PCDHGB1: variants seen among roughly 807,000 people sequenced by gnomAD.
The protein encoded by PCDHGB1 is protocadherin gamma subfamily B, 1.
Under a neutral mutation model 56.6 loss-of-function variants are expected in PCDHGB1, and 34 were observed. The observed-to-expected ratio is 0.60, with a 90% CI of 0.46 to 0.80. The LOEUF is 0.80. Among genes scored for constraint, PCDHGB1 ranks in the 30% least tolerant of loss-of-function variants. PCDHGB1 has a pLI of 0.00. For missense variants in PCDHGB1, 1,278 were observed against 1,204.6 expected (o/e 1.06, Z -0.90); for synonymous variants, 561 against 505.9 (o/e 1.11, Z -1.46).
intron 1 of PCDHGB1, chr5:141,423,923 G>C: frequency 8.0e-7 from 1 of 1,254,744 alleles, no homozygotes; most frequent in Non-Finnish European, 1.0e-6. Flanking sequence ...CAACTATGCT[G>C]GTTTGGTTTG....
intron 1 of PCDHGB1, chr5:141,372,188 G>C: frequency 6.2e-7 from 1 of 1,613,564 alleles, no homozygotes; most frequent in Non-Finnish European, 8.5e-7. Context: ...ACGCAGACTC[G>C]GGATACAACG....
chr5:141,489,084 C>A lies in PCDHGB1; in HGVS notation c.2410-5723C>A. On this transcript the variant is annotated intron_variant, in intron 1 of 3. Coordinates refer to ENST00000523390, the MANE Select transcript of PCDHGB1 (RefSeq NM_018922.3). The surrounding 1 kb of genome is among the most constrained non-coding windows in gnomAD (Gnocchi z 4.5). Reference sequence around the variant, plus strand: ...CTCCCCCCTGCCCACCCCCGCCACTCGGTGACTAAGAACTGCTGCAAGCAG... The same window carrying A: ...CTCCCCCCTGCCCACCCCCGCCACTAGGTGACTAAGAACTGCTGCAAGCAG... The A allele has an allele frequency of 9.1e-6, 3 of 329,124 alleles. No homozygotes were observed. The highest frequency in any genetic ancestry group is 1.1e-5 in the Non-Finnish European group (2 of 186,464). The allele number at this position is 329,124 out of a possible 1,614,324, so 20.4% of individuals were successfully genotyped here. A position where few individuals can be genotyped will look rare whatever the true frequency, so the allele number is the denominator to read the frequency against.
intron 1 of PCDHGB1, chr5:141,399,115 G>C: frequency 6.2e-7 from 1 of 1,613,814 alleles, no homozygotes; most frequent in Non-Finnish European, 8.5e-7. Context: ...ATGTACAGTT[G>C]AAATTAATAT....
rs777873138 is a variant in PCDHGB1, at chr5:141,365,973, T to C, written c.2409+13304T>C. The stretch of plus-strand genomic sequence containing the variant: ...CCTCCACTTAGCAGCAACGTGTCGC[T>C]GAGCCTGTTTGTGCTGGACCAGAAC... On this transcript the variant is annotated intron_variant, in intron 1 of 3. Coordinates refer to ENST00000523390, the MANE Select transcript of PCDHGB1 (RefSeq NM_018922.3). The C allele has an allele frequency of 4.3e-5, 70 of 1,614,126 alleles. No individual in the cohort carries two copies. In the Admixed American group the frequency reaches 1.1e-3, roughly 27 times the overall value.
intron 1 of PCDHGB1, chr5:141,417,503 T>G (rs1171198405): frequency 8.7e-6 from 2 of 229,844 alleles, no homozygotes; most frequent in East Asian, 1.9e-4. Context: ...GGAAAAAGAT[T>G]AAAATATTTT....
intron 1 of PCDHGB1, chr5:141,414,301 C>A (rs199806270): frequency 1.1e-5 from 18 of 1,613,280 alleles, no homozygotes; most frequent in Non-Finnish European, 1.7e-6. Flanking sequence ...TTTAAATGTG[C>A]ATGATTTAGA....
intron 1 of PCDHGB1, among the ~76,000 whole-genome samples, chr5:141,471,791 A>C (rs904614629): frequency 1.3e-5 from 2 of 152,238 alleles, no homozygotes; most frequent in Admixed American, 1.3e-4. Context: ...ATGCTATGTC[A>C]TATAAAAGAC....
chr5:141,382,964 C>A (rs373652237), intron 1 of PCDHGB1: 1 of 1,608,238 alleles, frequency 6.2e-7, no homozygotes. Context: ...CTCCTGGGGA[C>A]CCCCTGGGAA....
intron 1 of PCDHGB1, among the ~76,000 whole-genome samples, chr5:141,457,274 C>T (rs1307741345): frequency 1.3e-5 from 2 of 152,200 alleles, no homozygotes; most frequent in Non-Finnish European, 2.9e-5. Context: ...CCTCTGTGGG[C>T]CTACGAAGTT....
At chr5:141,479,986 C>T (rs2099510881) in intron 1 of PCDHGB1, among the ~76,000 whole-genome samples, 1 of 152,200 alleles carries the variant, frequency 6.6e-6, no homozygotes, top group Non-Finnish European at 1.5e-5. Flanking sequence ...CATTTACCAA[C>T]TAGGAGTCTG....
intron 1 of PCDHGB1, chr5:141,362,503 A>C: frequency 6.2e-7 from 1 of 1,614,050 alleles, no homozygotes; most frequent in South Asian, 1.1e-5. Context: ...TTGGGAACAA[A>C]ATACAAATCA....
intron 1 of PCDHGB1, chr5:141,385,324 G>A (rs1781124607): frequency 1.2e-6 from 2 of 1,607,160 alleles, no homozygotes; most frequent in Non-Finnish European, 1.7e-6. Flanking sequence ...AAGTATTCAG[G>A]TGAGCCCAGC....
intron 1 of PCDHGB1, among the ~76,000 whole-genome samples, chr5:141,456,287 C>T (rs951430060): frequency 1.3e-5 from 2 of 152,048 alleles, no homozygotes; most frequent in Non-Finnish European, 2.9e-5. Flanking sequence ...TGAAAAGGGG[C>T]GTCTAATGGA....
chr5:141,392,700 T>C, intron 1 of PCDHGB1: 1 of 1,257,648 alleles, frequency 8.0e-7, no homozygotes, highest in Non-Finnish European at 1.1e-6. Flanking sequence ...GACCCCTGTT[T>C]GGAGGCACTC....
intron 1 of PCDHGB1, chr5:141,394,696 C>A: frequency 6.2e-7 from 1 of 1,613,046 alleles, no homozygotes; most frequent in Non-Finnish European, 8.5e-7. Flanking sequence ...GAGGTGCGCA[C>A]GGCGCGAGCC....
chr5:141,489,579 C>G lies in PCDHGB1; in HGVS notation c.2410-5228C>G, dbSNP rs112808093. 3.7e-6 allele frequency: 6 copies of G among 1,613,922 alleles called. No individual in the cohort carries two copies. The Admixed American group carries it at 5.0e-5, about 13-fold the overall frequency. On this transcript the variant is annotated intron_variant, in intron 1 of 3. Transcript: ENST00000523390. This position sits in a 1 kb window ranked among gnomAD's most constrained non-coding sequence, Gnocchi z 4.5. ...CAGTGCAGGTGGTGACTGAACACCC[C>G]CTGGAGCTAATCCGTGTAGAGGTAG... is the stretch of plus-strand genomic sequence containing the variant.
At chr5:141,441,818 TG>T in intron 1 of PCDHGB1, 1 of 359,922 alleles carries the variant, frequency 2.8e-6, no homozygotes, top group Non-Finnish European at 5.5e-6. Flanking sequence ...ACCCCAGCTC[TG>T]GAGCGCAATG....
Position 141,491,757 on chromosome 5 carries a change from C to G in PCDHGB1, c.2410-3050C>G. ...CTGGGGGCGGCACTGGAGAAGCCGC[C>G]CGTCCTCATAAGGGATTGAACTTGC... On this transcript the variant is annotated intron_variant, in intron 1 of 3. Coordinates refer to ENST00000523390, the MANE Select transcript of PCDHGB1 (RefSeq NM_018922.3). This position sits in a 1 kb window ranked among gnomAD's most constrained non-coding sequence, Gnocchi z 6.9. 1 of 1,580,374 alleles carries G rather than the reference C, an allele frequency of 6.3e-7. No individual in the cohort carries two copies. The highest frequency in any genetic ancestry group is 1.9e-5 in the Admixed American group (1 of 53,534).
intron 1 of PCDHGB1, chr5:141,371,592 A>G: frequency 6.2e-7 from 1 of 1,614,000 alleles, no homozygotes; most frequent in Non-Finnish European, 8.5e-7. Context: ...AGATACCAAA[A>G]ACACATACAG....
Sources: gnomAD v4.1 joint callset for allele counts (sites outside exome capture counted in the v4.1 genomes callset) on GRCh38, gnomAD v4.1.1 for gene constraint, Gnocchi (gnomAD v3.1) non-coding constraint, MANE v1.5 for transcripts, NCBI Gene and HGNC (gene_info 2026-07-23, HGNC 2026-07-21) for gene names.